SLC37A1: variants seen among roughly 807,000 people sequenced by gnomAD.
SLC37A1 encodes the protein solute carrier family 37 member 1.
In SLC37A1, 49 loss-of-function variants were observed where a neutral mutation model predicts 75.3. The observed-to-expected ratio is 0.65, with a 90% CI of 0.52 to 0.83. SLC37A1 has a LOEUF of 0.83. Among genes scored for constraint, SLC37A1 ranks in the 40% least tolerant of loss-of-function variants. The pLI, the probability that SLC37A1 is intolerant of heterozygous loss-of-function variation, is 0.00. For synonymous variants in SLC37A1, 268 were observed against 292.1 expected (o/e 0.92, Z 0.84); for missense variants, 566 against 695.0 (o/e 0.81, Z 2.09).
chr21:42,561,216 C>T (rs563565705), intron 11 of SLC37A1, among the ~76,000 whole-genome samples: 7 of 152,338 alleles, frequency 4.6e-5, no homozygotes, highest in African/African-American at 1.4e-4. Context: ...AGTGCACAGA[C>T]GGCTGGGGGA....
intron 12 of SLC37A1, among the ~76,000 whole-genome samples, chr21:42,562,458 C>A (rs1055368596): frequency 6.6e-6 from 1 of 152,162 alleles, no homozygotes; most frequent in Non-Finnish European, 1.5e-5. Flanking sequence ...TGCGTTTAAA[C>A]GTGGGCTACA....
At chr21:42,559,986 G>A (rs960040045) in intron 11 of SLC37A1, among the ~76,000 whole-genome samples, 3 of 152,104 alleles carry the variant, frequency 2.0e-5, no homozygotes, top group Non-Finnish European at 4.4e-5. Context: ...CAGGGACCAA[G>A]GGAAGAACGA....
chr21:42,525,695 C>T lies in SLC37A1; in HGVS notation c.57-81C>T, dbSNP rs1033859489. The T allele has an allele frequency of 1.1e-5, 10 of 937,900 alleles. No individual in the cohort carries two copies. The East Asian group carries it at 1.5e-4, about 14-fold the overall frequency. 58.1% of individuals were successfully genotyped at this position (937,900 alleles called of 1,614,324 possible). ...GAATGAATAATACACAGCATAAGAA[C>T]GTTTCAGAACACAGTGATATGTATT... On this transcript the variant is annotated intron_variant, in intron 2 of 19. Transcript: ENST00000352133.
Position 42,553,745 on chromosome 21 carries a change from G to A in SLC37A1, c.769-317G>A, listed in dbSNP as rs150263134. 4.3e-4 allele frequency among the ~76,000 whole-genome samples: 65 copies of A among 152,220 alleles called. No individual in the cohort carries two copies. In the East Asian group the frequency reaches 0.012, roughly 28 times the overall value. On this transcript the variant is annotated intron_variant, in intron 9 of 19. Transcript: ENST00000352133. Reference sequence around the variant, plus strand: ...CCTCACATGTTAAAGGGAAAGATTGGTCTGTGCCTTTTCATTTCAAAACCA... The same window carrying A: ...CCTCACATGTTAAAGGGAAAGATTGATCTGTGCCTTTTCATTTCAAAACCA...
At position 42,574,925 on chromosome 21, in the gene SLC37A1, C is replaced by G. The variant is rs1445325066; in HGVS notation, c.1521+10C>G. Reference sequence around the variant, plus strand: ...TGCCTGTGCCTTACTGGTAAGTCGGCCTATTTTTAGTCCAATCCACCTTGA... The same window carrying G: ...TGCCTGTGCCTTACTGGTAAGTCGGGCTATTTTTAGTCCAATCCACCTTGA... On this transcript the variant is annotated intron_variant, in intron 18 of 19. Transcript: ENST00000352133. The G allele has an allele frequency of 1.2e-6, 2 of 1,613,792 alleles. No homozygotes were observed. Among genetic ancestry groups the G allele is most frequent in the African/African-American group, 2.7e-5 (2 of 74,908 alleles).
intron 3 of SLC37A1, among the ~76,000 whole-genome samples, chr21:42,530,654 A>ACACACACACACACACACACACCC (rs1161313598): frequency 2.8e-5 from 1 of 35,880 alleles, no homozygotes; most frequent in Non-Finnish European, 5.2e-5. Flanking sequence ...ACACACACAC[A>ACACACACACACACACACACACCC]CCCCCTCTGT....
At chr21:42,553,983 A>G in intron 9 of SLC37A1, 79 bp from the exon 10 acceptor site, 2 of 1,204,092 alleles carry the variant, frequency 1.7e-6, no homozygotes, top group Non-Finnish European at 2.3e-6. Context: ...GATAGTAAGT[A>G]TCCTTGCTAC....
At chr21:42,515,651 G>A (rs1018480137) in intron 1 of SLC37A1, among the ~76,000 whole-genome samples, 4 of 152,204 alleles carry the variant, frequency 2.6e-5, no homozygotes, top group Non-Finnish European at 4.4e-5. Flanking sequence ...ATAAAACCAT[G>A]TGTCTTTCAG....
At chr21:42,530,654 A>ACACACACACACACACAC (rs1161313598) in intron 3 of SLC37A1, among the ~76,000 whole-genome samples, 26 of 35,894 alleles carry the variant, frequency 7.2e-4, no homozygotes, top group South Asian at 1.5e-3. Flanking sequence ...ACACACACAC[A>ACACACACACACACACAC]CCCCCTCTGT....
intron 12 of SLC37A1, among the ~76,000 whole-genome samples, chr21:42,563,282 C>T (rs2055880193): frequency 6.6e-6 from 1 of 152,184 alleles, no homozygotes; most frequent in Non-Finnish European, 1.5e-5. Flanking sequence ...TTGAAAAAAG[C>T]AAAATTTTCT....
chr21:42,578,873 G>C (rs372714872), intron 18 of SLC37A1, among the ~76,000 whole-genome samples: 9 of 152,258 alleles, frequency 5.9e-5, no homozygotes, highest in East Asian at 1.9e-4. Flanking sequence ...CCATGTGTTT[G>C]GTTTTTAAGT....
At chr21:42,571,449 TATTA>T (rs749094753) in intron 17 of SLC37A1, among the ~76,000 whole-genome samples, 2 of 152,246 alleles carry the variant, frequency 1.3e-5, no homozygotes, top group African/African-American at 2.4e-5. Flanking sequence ...AATTTTTATT[TATTA>T]AAGTAAAACA....
intron 17 of SLC37A1, among the ~76,000 whole-genome samples, chr21:42,570,081 C>T (rs9975515): frequency 0.26 from 13,095 of 50,414 alleles, 1,788 homozygotes; most frequent in African/African-American, 0.34. Context: ...CCATGTCATG[C>T]GACACACGGC....
chr21:42,531,199 C>T (rs576266200), intron 3 of SLC37A1, among the ~76,000 whole-genome samples: 1 of 152,208 alleles, frequency 6.6e-6, no homozygotes, highest in African/African-American at 2.4e-5. Flanking sequence ...ACACTCGTCG[C>T]GCTGTGACTC....
intron 18 of SLC37A1, among the ~76,000 whole-genome samples, chr21:42,579,127 G>C (rs1234286908): frequency 6.6e-6 from 1 of 152,258 alleles, no homozygotes; most frequent in Non-Finnish European, 1.5e-5. Flanking sequence ...AACATGTGAA[G>C]GGCACGGAGT....
rs1412306617 is a variant in SLC37A1, at chr21:42,513,918, G to A, written c.-978G>A. On this transcript the variant is annotated 5_prime_UTR_variant, in exon 1 of 20. Transcript: ENST00000352133. ...TGGGCTGCGGAGCGCGGGCCTCGGC[G>A]GCGCAGGTGAGGCGCGGGGCCGGGG... The A allele has an allele frequency of 6.8e-6, 1 of 146,240 alleles. No individual in the cohort carries two copies. Among genetic ancestry groups the A allele is most frequent in the Non-Finnish European group, 1.5e-5 (1 of 65,630 alleles). 9.1% of individuals were successfully genotyped at this position (146,240 alleles called of 1,614,324 possible).
chr21:42,512,141 T>A (rs2054441173), upstream of SLC37A1, among the ~76,000 whole-genome samples: 1 of 145,352 alleles, frequency 6.9e-6, no homozygotes, highest in Non-Finnish European at 1.5e-5. Flanking sequence ...AATTTTACAA[T>A]GTATTCATAT....
intron 1 of SLC37A1, among the ~76,000 whole-genome samples, chr21:42,501,368 A>G (rs1347477997): frequency 6.6e-6 from 1 of 152,224 alleles, no homozygotes; most frequent in East Asian, 1.9e-4. Context: ...TGAGAAAGAA[A>G]TTACAGACCC....
chr21:42,539,420 G>A (rs772555292), intron 5 of SLC37A1, 92 bp from the exon 6 acceptor site: 9 of 1,425,162 alleles, frequency 6.3e-6, no homozygotes, highest in Non-Finnish European at 7.6e-6. Context: ...TCAGAGAACA[G>A]CATGAAAGCA....
Sources: gnomAD v4.1 joint callset for allele counts (sites outside exome capture counted in the v4.1 genomes callset) on GRCh38, gnomAD v4.1.1 for gene constraint, MANE v1.5 for transcripts, NCBI Gene and HGNC (gene_info 2026-07-23, HGNC 2026-07-21) for gene names.